Variants in CFAP70 observed in about 807,000 individuals in gnomAD.
CFAP70 encodes cilia and flagella associated protein 70, also known as cilia- and flagella-associated protein 70.
Under a neutral mutation model 137.6 loss-of-function variants are expected in CFAP70, and 81 were observed. The ratio of observed to expected loss-of-function variants is 0.59; its 90% CI spans 0.49 to 0.71. The LOEUF is 0.71. CFAP70 is among the 30% of genes least tolerant of loss of function. The pLI is 0.00. For synonymous variants in CFAP70, 382 were observed against 423.6 expected (o/e 0.90, Z 1.20); for missense variants, 976 against 1,226.7 (o/e 0.80, Z 3.05).
chr10:73,278,230 T>G, exon 20 of CFAP70: 1 of 1,614,040 alleles, frequency 6.2e-7, no homozygotes, highest in Non-Finnish European at 8.5e-7. Context: ...TTTTGGCTTA[T>G]ACTTGGATCC....
intron 8 of CFAP70, among the ~76,000 whole-genome samples, chr10:73,323,331 C>CG (rs375347388): frequency 0.088 from 4,128 of 47,162 alleles, 102 homozygotes; most frequent in African/African-American, 0.22. Context: ...ATGGCGGGGG[C>CG]GGGGGGGGGG....
intron 5 of CFAP70, among the ~76,000 whole-genome samples, chr10:73,341,871 A>G (rs6480699): frequency 0.11 from 16,105 of 152,260 alleles, 1,237 homozygotes; most frequent in East Asian, 0.3. Flanking sequence ...CTAATGACAA[A>G]TTTTGAATTA....
At chr10:73,345,185 G>T (rs200920918) in intron 4 of CFAP70, 1 of 1,614,154 alleles carries the variant, frequency 6.2e-7, no homozygotes, top group Non-Finnish European at 8.5e-7. Context: ...TGCCCCCTGA[G>T]ATCTGGGCTG....
chr10:73,351,085 A>G (rs1401497816), intron 3 of CFAP70, among the ~76,000 whole-genome samples: 115 of 92,190 alleles, frequency 1.2e-3, no homozygotes, highest in African/African-American at 3.8e-3. Context: ...ATATATATAT[A>G]TATATATATA....
In CFAP70 at chr10:73,255,038, G is replaced by A. The variant is rs905500307; in HGVS notation, c.3076-983C>T. Among the ~76,000 whole-genome samples the A allele has an allele frequency of 4.6e-5, 7 of 152,256 alleles. No individual in the cohort carries two copies. The East Asian group carries it at 5.8e-4, about 13-fold the overall frequency. ...AACAGTTTGGGAGGCTGAAGTGGGC[G>A]GATCACTTGAGACCAGGAGTTTGAG... On this transcript the variant is annotated intron_variant, in intron 26 of 26. Coordinates refer to ENST00000310715, the Ensembl canonical transcript of CFAP70.
chr10:73,344,839 C>A (rs571497454), intron 5 of CFAP70, among the ~76,000 whole-genome samples: 34 of 151,758 alleles, frequency 2.2e-4, no homozygotes, highest in African/African-American at 7.5e-4. Flanking sequence ...ATATTTTCCA[C>A]CATATATTTA....
chr10:73,346,133 G>A (rs1038682508), intron 4 of CFAP70, among the ~76,000 whole-genome samples: 11 of 151,752 alleles, frequency 7.2e-5, no homozygotes, highest in South Asian at 2.1e-4. Flanking sequence ...TCCTGACCTC[G>A]TGATCCAGCC....
At chr10:73,307,197 A>T (rs11498027) in intron 12 of CFAP70, among the ~76,000 whole-genome samples, 4,763 of 152,194 alleles carry the variant, frequency 0.031, 242 homozygotes, top group African/African-American at 0.1. Context: ...TACTAAGACA[A>T]CAACTAAAAA....
At chr10:73,298,027 T>C (rs754705351) in intron 14 of CFAP70, among the ~76,000 whole-genome samples, 109 of 152,334 alleles carry the variant, frequency 7.2e-4, no homozygotes, top group Non-Finnish European at 1.4e-3. Context: ...ATGTTCTTTC[T>C]TTATATCTGT....
chr10:73,354,889 C>T, intron 1 of CFAP70, 54 bp from the exon 2 acceptor site: 4 of 1,049,416 alleles, frequency 3.8e-6, no homozygotes, highest in Non-Finnish European at 5.8e-6. Flanking sequence ...TGCACAAGTA[C>T]CCATATTCCA....
chr10:73,353,268 A>C (rs1427066657), intron 3 of CFAP70, among the ~76,000 whole-genome samples: 1 of 152,148 alleles, frequency 6.6e-6, no homozygotes, highest in Non-Finnish European at 1.5e-5. Flanking sequence ...CCCATCAACA[A>C]CAGCCAAAGG....
chr10:73,299,651 A>G, exon 13 of CFAP70: 1 of 1,612,934 alleles, frequency 6.2e-7, no homozygotes, highest in Non-Finnish European at 8.5e-7. Context: ...CCTTGGAGGA[A>G]TCATTTCCTT....
In CFAP70 at chr10:73,274,425, C is replaced by T. The variant is rs754013013; in HGVS notation, c.2835+8G>A. The T allele has an allele frequency of 1.9e-6, 3 of 1,607,242 alleles. No individual in the cohort carries two copies. The highest frequency in any genetic ancestry group is 2.7e-5 in the African/African-American group (2 of 74,688). Reference sequence around the variant, plus strand: ...CCACGGGGTTATTCCCCATTCTCTACCCCTCACCTCTTTCTCTTCCAGATA... The same window carrying T: ...CCACGGGGTTATTCCCCATTCTCTATCCCTCACCTCTTTCTCTTCCAGATA... On this transcript the variant is annotated splice_region_variant and intron_variant, in intron 23 of 26. Coordinates refer to ENST00000310715, the Ensembl canonical transcript of CFAP70.
intron 25 of CFAP70, among the ~76,000 whole-genome samples, chr10:73,268,832 C>T (rs2045999510): frequency 6.6e-6 from 1 of 151,810 alleles, no homozygotes; most frequent in Admixed American, 6.6e-5. Flanking sequence ...GTAGCTGGGA[C>T]CACAGGCGCT....
chr10:73,280,593 C>T (rs1219436916), intron 19 of CFAP70, among the ~76,000 whole-genome samples: 1 of 152,138 alleles, frequency 6.6e-6, no homozygotes, highest in Non-Finnish European at 1.5e-5. Context: ...CCCATTTAAC[C>T]TCCTTAGGAG....
chr10:73,261,905 TTAAA>T (rs1428217507), intron 25 of CFAP70, among the ~76,000 whole-genome samples: 2 of 150,924 alleles, frequency 1.3e-5, no homozygotes, highest in Non-Finnish European at 2.9e-5. Flanking sequence ...TAATTTCAGA[TTAAA>T]TAAAAGTTAC....
intron 9 of CFAP70, among the ~76,000 whole-genome samples, chr10:73,316,487 GAT>G (rs551707557): frequency 0.053 from 5,337 of 100,776 alleles, 115 homozygotes; most frequent in South Asian, 0.13. Flanking sequence ...TATAGATATA[GAT>G]ATATATATAT....
chr10:73,310,506 C>A (rs2049820893), intron 11 of CFAP70, among the ~76,000 whole-genome samples: 1 of 152,128 alleles, frequency 6.6e-6, no homozygotes, highest in Non-Finnish European at 1.5e-5. Context: ...AAGGCTGAAG[C>A]CCTGTTTAAC....
intron 25 of CFAP70, among the ~76,000 whole-genome samples, chr10:73,263,242 A>AG (rs56785425): frequency 0.15 from 23,300 of 152,004 alleles, 2,923 homozygotes; most frequent in African/African-American, 0.32. Flanking sequence ...TGGGACTACA[A>AG]GTGCCATCAT....
Sources: allele counts gnomAD v4.1 joint callset (sites outside exome capture counted in the v4.1 genomes callset), GRCh38; gene constraint gnomAD v4.1.1; transcripts MANE v1.5; gene names NCBI Gene and HGNC (gene_info 2026-07-23, HGNC 2026-07-21).